The following PIBF1 variants were observed in gnomAD, a reference collection of about 807,000 sequenced individuals.
PIBF1 encodes the protein progesterone-induced-blocking factor 1.
Under a neutral mutation model 112.5 loss-of-function variants are expected in PIBF1, and 90 were observed. That is an observed-to-expected ratio of 0.80 (90% CI 0.67 to 0.95). The LOEUF (loss-of-function observed/expected upper bound fraction) is 0.95, where lower values mean the gene tolerates loss of function less well. PIBF1 is among the 40% of genes least tolerant of loss of function. The pLI is 0.00. For missense variants in PIBF1, 915 were observed against 852.3 expected, an observed-to-expected ratio of 1.07 and a Z score of -0.92; for synonymous variants, 301 against 288.6, an observed-to-expected ratio of 1.04 and a Z score of -0.44.
rs184174670 is a variant in PIBF1 at position 72,873,871 on chromosome 13, C to G, written c.1322+19716C>G. Among the ~76,000 whole-genome samples, 40 of 152,246 alleles carry G rather than the reference C, an allele frequency of 2.6e-4. 1 individual carries two copies. Among genetic ancestry groups the G allele is most frequent in the Admixed American group, 1.6e-3 (24 of 15,298 alleles). On this transcript the variant is annotated intron_variant, in intron 10 of 17. Coordinates refer to ENST00000326291, the MANE Select transcript of PIBF1 (RefSeq NM_006346.4). ...CACATATCTAATAAAGGGCTTACATCCAGAACTCTTGCAACTTAAGAAGAC... is the reference window on the plus strand; with the variant it reads ...CACATATCTAATAAAGGGCTTACATGCAGAACTCTTGCAACTTAAGAAGAC...
chr13:72,814,371 GGTTGCAGTGA>G (rs2036166130), intron 5 of PIBF1, among the ~76,000 whole-genome samples: 1 of 151,108 alleles, frequency 6.6e-6, no homozygotes, highest in African/African-American at 2.4e-5. Context: ...AGGAGGCGGA[GGTTGCAGTGA>G]GCCGAGATTG....
chr13:72,980,399 C>T lies in PIBF1; in HGVS notation c.2049+6724C>T, dbSNP rs1218881156. Among the ~76,000 whole-genome samples the T allele has an allele frequency of 9.5e-4, 145 of 152,262 alleles. 1 individual carries two copies. The highest frequency in any genetic ancestry group is 7.4e-5 in the Non-Finnish European group (5 of 68,014). ...CAGGAAGAGAGTAGAGTCCCTAAAG[C>T]CCAGGGAGAACCATTCATAACAGAG... On this transcript the variant is annotated intron_variant, in intron 16 of 17. Coordinates refer to ENST00000326291, the MANE Select transcript of PIBF1 (RefSeq NM_006346.4).
At chr13:72,819,727 T>C (rs1026623504) in intron 5 of PIBF1, among the ~76,000 whole-genome samples, 2 of 152,092 alleles carry the variant, frequency 1.3e-5, no homozygotes, top group African/African-American at 4.8e-5. Flanking sequence ...TATTTAGATA[T>C]ATTTGTTTTA....
intron 15 of PIBF1, among the ~76,000 whole-genome samples, chr13:72,971,404 G>A (rs1450425800): frequency 6.6e-6 from 1 of 152,148 alleles, no homozygotes; most frequent in Non-Finnish European, 1.5e-5. Context: ...TCTAGAGTTA[G>A]AGAAACATGT....
intron 10 of PIBF1, among the ~76,000 whole-genome samples, chr13:72,858,386 G>T (rs1218030942): frequency 6.6e-6 from 1 of 152,128 alleles, no homozygotes; most frequent in African/African-American, 2.4e-5. Flanking sequence ...TTTATTTCTA[G>T]TACGTTATCC....
In PIBF1 at chr13:72,928,026, C is replaced by CGT. The variant is rs1211019963; in HGVS notation, c.1731-3139_1731-3138insGT. On this transcript the variant is annotated intron_variant, in intron 13 of 17. Coordinates refer to ENST00000326291, the MANE Select transcript of PIBF1 (RefSeq NM_006346.4). Reference sequence around the variant, plus strand: ...ATATACATATATATACATATATATACATATATATATATATATATACATATA... The same window carrying CGT: ...ATATACATATATATACATATATATACGTATATATATATATATATATACATATA... 1.0e-4 allele frequency among the ~76,000 whole-genome samples: 12 copies of CGT among 118,620 alleles called. No homozygotes were observed. In the South Asian group the frequency reaches 2.3e-3, roughly 23 times the overall value. 77.8% of individuals were successfully genotyped at this position (118,620 alleles called of 152,430 possible).
Position 72,783,576 on chromosome 13 carries a change from C to G in PIBF1, c.107C>G (p.Ser36Ter). The part of the protein sequence containing the change: ...ETTVPTDDIS[S>*]SEEREGKVRI... The stretch of plus-strand genomic sequence containing the variant: ...ACAGTTCCTACGGATGATATTTCCT[C>G]ATCAGAAGAGCGAGAGGGCAAAGTC... Residue 36 changes from serine to a stop codon, truncating the protein, a stop_gained, in exon 2 of 18, where the codon TCA becomes TGA. Transcript: ENST00000326291. LOFTEE classifies it high-confidence loss of function. The G allele has an allele frequency of 6.2e-7, 1 of 1,613,946 alleles. No individual in the cohort carries two copies. The highest frequency in any genetic ancestry group is 8.5e-7 in the Non-Finnish European group (1 of 1,179,868).
In PIBF1 at chr13:72,827,850, C is replaced by A. The variant is rs1486339194; in HGVS notation, c.1033C>A (p.Gln345Lys). The A allele has an allele frequency of 1.3e-6, 2 of 1,594,728 alleles. No homozygotes were observed. Among genetic ancestry groups the A allele is most frequent in the Admixed American group, 3.5e-5 (2 of 57,308 alleles). The change falls in exon 8 of 18, where the codon CAA becomes AAA. Residue 345 changes from glutamine to lysine, a missense_variant. Physicochemically the swap from Gln to Lys is moderately conservative, Grantham distance 53. Transcript: ENST00000326291. ...AHEEDRLERL[Q>K]AQLEESKKAR... is the part of the protein sequence containing the mutation. ...TGAAGAGGATCGCCTTGAAAGACTT[C>A]AAGCTCAACTGGAAGAAAGCAAAAA... is the stretch of plus-strand genomic sequence containing the variant.
chr13:72,797,919 G>A lies in PIBF1; in HGVS notation c.565G>A (p.Glu189Lys), dbSNP rs1273398819. ...IPEYVSVRFY[E>K]LVNPLRKEIC... The stretch of plus-strand genomic sequence containing the variant: ...AATTTTTTTCAAGGTTCGCTTCTAT[G>A]AGCTAGTGAATCCATTAAGAAAGGA... Residue 189 changes from glutamate to lysine, a missense_variant, in exon 5 of 18, where the codon GAG (glutamate) becomes AAG (lysine). Coordinates refer to ENST00000326291, the MANE Select transcript of PIBF1 (RefSeq NM_006346.4). The A allele has an allele frequency of 1.9e-6, 3 of 1,594,558 alleles. No individual in the cohort carries two copies. Among genetic ancestry groups the A allele is most frequent in the Non-Finnish European group, 2.6e-6 (3 of 1,172,778 alleles).
intron 5 of PIBF1, among the ~76,000 whole-genome samples, chr13:72,815,623 A>G (rs182736950): frequency 6.6e-6 from 1 of 152,180 alleles, no homozygotes. Flanking sequence ...AGTGTGGTAC[A>G]GGACTTTATC....
chr13:72,946,583 C>T (rs892040935), intron 14 of PIBF1, among the ~76,000 whole-genome samples: 14 of 152,174 alleles, frequency 9.2e-5, no homozygotes, highest in African/African-American at 3.1e-4. Flanking sequence ...AAGTCCCTTC[C>T]GCCTATGAGC....
At chr13:72,905,275 C>T (rs776493233) in intron 11 of PIBF1, among the ~76,000 whole-genome samples, 1 of 151,908 alleles carries the variant, frequency 6.6e-6, no homozygotes, top group Non-Finnish European at 1.5e-5. Context: ...ACCACGTTGG[C>T]CAGGGTGGTC....
chr13:72,868,885 C>T (rs1465197432), intron 10 of PIBF1, among the ~76,000 whole-genome samples: 3 of 151,348 alleles, frequency 2.0e-5, no homozygotes, highest in East Asian at 3.9e-4. Context: ...ATTGTCTGTA[C>T]CCTAACTAAA....
chr13:72,989,808 A>C (rs762988416), intron 16 of PIBF1, among the ~76,000 whole-genome samples: 3 of 152,212 alleles, frequency 2.0e-5, no homozygotes, highest in Admixed American at 6.5e-5. Flanking sequence ...TTTGAGAAAG[A>C]AAATATTGAC....
intron 9 of PIBF1, among the ~76,000 whole-genome samples, chr13:72,839,048 A>C (rs2138226888): frequency 6.6e-6 from 1 of 152,320 alleles, no homozygotes; most frequent in East Asian, 1.9e-4. Flanking sequence ...GGAACAATTG[A>C]AAGATTTTAA....
Position 72,783,650 on chromosome 13 carries a change from C to T in PIBF1, c.181C>T (p.Gln61Ter). ...ACGAAAAGAACTACTTCATAATATT[C>T]AGTTACTAAAAATTGAGCTATCCCA... ...IERKELLHNI[Q>*]LLKIELSQKT... Residue 61 changes from glutamine (Q) to a stop codon, truncating the protein, a stop_gained, in exon 2 of 18, where the codon CAG (glutamine) becomes TAG (stop). Transcript: ENST00000326291. LOFTEE classifies it high-confidence loss of function. The T allele has an allele frequency of 6.2e-7, 1 of 1,613,656 alleles. No homozygotes were observed. The highest frequency in any genetic ancestry group is 1.7e-5 in the Admixed American group (1 of 60,026).
At chr13:72,850,218 C>G (rs1303557226) in intron 9 of PIBF1, among the ~76,000 whole-genome samples, 1 of 152,158 alleles carries the variant, frequency 6.6e-6, no homozygotes. Context: ...TTGGTAGAAG[C>G]CTTAGCTTCT....
At chr13:72,800,145 C>T (rs9543125) in intron 5 of PIBF1, among the ~76,000 whole-genome samples, 16,820 of 152,304 alleles carry the variant, frequency 0.11, 1,271 homozygotes, top group Non-Finnish European at 0.17. Context: ...AAGTGATTCT[C>T]GTGCTTTAGC....
chr13:72,874,477 A>G (rs1954185225), intron 10 of PIBF1, among the ~76,000 whole-genome samples: 1 of 152,192 alleles, frequency 6.6e-6, no homozygotes, highest in South Asian at 2.1e-4. Flanking sequence ...AGACAAACAC[A>G]AAAGACTACA....
Sources: allele counts gnomAD v4.1 joint callset (sites outside exome capture counted in the v4.1 genomes callset), GRCh38; gene constraint gnomAD v4.1.1; transcripts MANE v1.5; gene names NCBI Gene and HGNC (gene_info 2026-07-23, HGNC 2026-07-21).